Variants in RTN4RL1 observed in about 807,000 individuals in gnomAD.
The protein encoded by RTN4RL1 is reticulon-4 receptor-like 1.
In RTN4RL1, 7 loss-of-function variants were observed where a neutral mutation model predicts 25.6. The observed-to-expected ratio is 0.27, with a 90% CI of 0.16 to 0.51. The LOEUF (loss-of-function observed/expected upper bound fraction) is 0.51, where lower values mean the gene tolerates loss of function less well. Ranked by LOEUF, RTN4RL1 falls within the 20% of genes least tolerant of loss-of-function variation. The pLI, the probability that RTN4RL1 is intolerant of heterozygous loss-of-function variation, is 0.97. For missense variants in RTN4RL1, 500 were observed against 615.6 expected (o/e 0.81, Z 1.99); for synonymous variants, 297 against 288.2 (o/e 1.03, Z -0.31).
chr17:1,935,321 A>C lies in RTN4RL1; in HGVS notation c.*1175T>G, dbSNP rs1915272878. The C allele has an allele frequency of 6.5e-6, 1 of 153,164 alleles. No homozygotes were observed. The highest frequency in any genetic ancestry group is 6.6e-5 in the Admixed American group (1 of 15,264). The allele number at this position is 153,164 out of a possible 1,614,324, so 9.5% of individuals were successfully genotyped here. On this transcript the variant is annotated 3_prime_UTR_variant, in exon 2 of 2. Transcript: ENST00000331238. ...CTCGGGGCCTGGCTCCCTCATATAC[A>C]ATAAGCTGCTTCTCACTTCTCACCC...
Position 1,936,002 on chromosome 17 carries a change from G to A in RTN4RL1, c.*494C>T. On this transcript the variant is annotated 3_prime_UTR_variant, in exon 2 of 2. Coordinates refer to ENST00000331238, the MANE Select transcript of RTN4RL1 (RefSeq NM_178568.4). ...GATAGAATTCAGGGCAGGGTGACTG[G>A]CCTCAGGCAAGAGCCAAGATGCCAC... The A allele has an allele frequency of 1.0e-6, 1 of 987,650 alleles. No individual in the cohort carries two copies. The highest frequency in any genetic ancestry group is 1.2e-6 in the Non-Finnish European group (1 of 831,336). 61.2% of individuals were successfully genotyped at this position (987,650 alleles called of 1,614,324 possible).
At chr17:1,956,441 G>C (rs376703978) in intron 1 of RTN4RL1, among the ~76,000 whole-genome samples, 10 of 149,990 alleles carry the variant, frequency 6.7e-5, no homozygotes, top group African/African-American at 1.0e-4. Flanking sequence ...GGGGCCTGGT[G>C]GGGGGGCGGG....
chr17:1,961,236 A>G (rs560855659), intron 1 of RTN4RL1, among the ~76,000 whole-genome samples: 50 of 152,142 alleles, frequency 3.3e-4, no homozygotes, highest in Admixed American at 1.2e-3. Context: ...TGGGGAGGGG[A>G]GGAGTAACCA....
At chr17:1,965,482 G>A in intron 1 of RTN4RL1, among the ~76,000 whole-genome samples, 1 of 152,300 alleles carries the variant, frequency 6.6e-6, no homozygotes, top group East Asian at 1.9e-4. Context: ...GGTCTTGAGT[G>A]GGGAACACAG....
At chr17:1,992,147 G>C (rs553945782) in intron 1 of RTN4RL1, among the ~76,000 whole-genome samples, 1 of 151,956 alleles carries the variant, frequency 6.6e-6, no homozygotes, top group Non-Finnish European at 1.5e-5. Context: ...GGTGGATGAC[G>C]AGGTCAGGAG....
intron 1 of RTN4RL1, among the ~76,000 whole-genome samples, chr17:1,972,237 G>A (rs1377915626): frequency 6.6e-6 from 1 of 151,858 alleles, no homozygotes; most frequent in African/African-American, 2.4e-5. Context: ...AACCCAGGAG[G>A]TGAAGGCTGC....
At chr17:1,993,250 AAAAAG>A (rs886214950) in intron 1 of RTN4RL1, among the ~76,000 whole-genome samples, 3 of 152,152 alleles carry the variant, frequency 2.0e-5, no homozygotes, top group Non-Finnish European at 2.9e-5. Context: ...TCTGTCTCAA[AAAAAG>A]AAAAGAAAAG....
intron 1 of RTN4RL1, among the ~76,000 whole-genome samples, chr17:1,959,066 G>T (rs932822621): frequency 6.6e-6 from 1 of 152,210 alleles, no homozygotes; most frequent in Non-Finnish European, 1.5e-5. Flanking sequence ...CCTGGGCTCC[G>T]CTGGGCTCCC....
At chr17:1,988,988 G>A (rs1338335466) in intron 1 of RTN4RL1, among the ~76,000 whole-genome samples, 1 of 152,164 alleles carries the variant, frequency 6.6e-6, no homozygotes, top group Admixed American at 6.5e-5. Context: ...TTCAAGAGCC[G>A]TGGGAAGCCA....
Position 1,935,519 on chromosome 17 carries a change from C to T in RTN4RL1, c.*977G>A. 1.0e-6 allele frequency: 1 copy of T among 985,216 alleles called. No individual in the cohort carries two copies. The highest frequency in any genetic ancestry group is 1.2e-6 in the Non-Finnish European group (1 of 829,548). The allele number at this position is 985,216 out of a possible 1,614,324, so 61.0% of individuals were successfully genotyped here. On this transcript the variant is annotated 3_prime_UTR_variant, in exon 2 of 2. Transcript: ENST00000331238. The stretch of plus-strand genomic sequence containing the variant: ...GTCCCGCCGACACCTTGCCCCAGGC[C>T]CTTGGCAAGGCCAGGTCCCTTGGAG...
chr17:1,938,474 G>A (rs1464448154), intron 1 of RTN4RL1, among the ~76,000 whole-genome samples: 1 of 151,586 alleles, frequency 6.6e-6, no homozygotes, highest in African/African-American at 2.4e-5. Context: ...GGTAGTTTTT[G>A]TATTTTTAGT....
intron 1 of RTN4RL1, among the ~76,000 whole-genome samples, chr17:1,997,853 C>T (rs937488675): frequency 2.6e-5 from 4 of 152,142 alleles, no homozygotes; most frequent in Admixed American, 1.3e-4. Context: ...TCCCCGCAGA[C>T]CCCCGACCCC....
At chr17:1,964,200 G>A (rs939197756) in intron 1 of RTN4RL1, among the ~76,000 whole-genome samples, 3 of 152,174 alleles carry the variant, frequency 2.0e-5, no homozygotes, top group African/African-American at 7.2e-5. Context: ...CAAAGACTTA[G>A]TAAGAAAAAG....
intron 1 of RTN4RL1, among the ~76,000 whole-genome samples, chr17:1,953,843 G>A (rs941425385): frequency 4.6e-5 from 7 of 152,198 alleles, no homozygotes; most frequent in Admixed American, 2.0e-4. Flanking sequence ...GGGATTACAC[G>A]CATGAGCCAC....
intron 1 of RTN4RL1, among the ~76,000 whole-genome samples, chr17:1,968,217 G>A (rs2066801428): frequency 6.6e-6 from 1 of 152,056 alleles, no homozygotes; most frequent in South Asian, 2.1e-4. Context: ...GGAATCTCCT[G>A]GAGGCTGCCC....
Position 1,937,601 on chromosome 17 carries a change from A to C in RTN4RL1, c.221T>G (p.Phe74Cys). ...CCACAGGGTGACCATGGCGGGGCTG[A>C]AGTGGCCGGGCTGGAGGAGGCCGAT... is the stretch of plus-strand genomic sequence containing the variant. ...NRIGLLQPGH[F>C]SPAMVTLWIY... Residue 74 changes from phenylalanine to cysteine, a missense_variant, in exon 2 of 2, where the codon TTC becomes TGC. Phe to Cys is a radical substitution (Grantham distance 205, BLOSUM62 -2). Coordinates refer to ENST00000331238, the MANE Select transcript of RTN4RL1 (RefSeq NM_178568.4). The C allele has an allele frequency of 6.2e-7, 1 of 1,613,890 alleles. No homozygotes were observed. The highest frequency in any genetic ancestry group is 8.5e-7 in the Non-Finnish European group (1 of 1,179,814).
chr17:1,939,090 C>T (rs1405621673), intron 1 of RTN4RL1, among the ~76,000 whole-genome samples: 2 of 151,724 alleles, frequency 1.3e-5, no homozygotes, highest in African/African-American at 2.4e-5. Context: ...CAGTGGCTCA[C>T]ACCTGTAGTC....
At chr17:1,943,199 C>T (rs1293789652) in intron 1 of RTN4RL1, among the ~76,000 whole-genome samples, 1 of 152,230 alleles carries the variant, frequency 6.6e-6, no homozygotes, top group Non-Finnish European at 1.5e-5. Flanking sequence ...GAAACGAGGC[C>T]CACCAGGGTA....
At position 1,936,484 on chromosome 17, in the gene RTN4RL1, C is replaced by T. The variant is rs1372223370; in HGVS notation, c.*12G>A. On this transcript the variant is annotated 3_prime_UTR_variant, in exon 2 of 2. Coordinates refer to ENST00000331238, the MANE Select transcript of RTN4RL1 (RefSeq NM_178568.4). ...GACATGTGGCAGTGCTGGGTGCTGACGCCCTGGGTCCTCAGCGGAGAGTGA... is the reference window on the plus strand; with the variant it reads ...GACATGTGGCAGTGCTGGGTGCTGATGCCCTGGGTCCTCAGCGGAGAGTGA... 9.1e-6 allele frequency: 14 copies of T among 1,534,204 alleles called. No homozygotes were observed. The highest frequency in any genetic ancestry group is 3.6e-5 in the South Asian group (3 of 83,138).
Sources: gnomAD v4.1 joint callset for allele counts (sites outside exome capture counted in the v4.1 genomes callset) on GRCh38, gnomAD v4.1.1 for gene constraint, MANE v1.5 for transcripts, NCBI Gene and HGNC (gene_info 2026-07-23, HGNC 2026-07-21) for gene names.